MARCHF1: variants seen among roughly 807,000 people sequenced by gnomAD.
MARCHF1 encodes the protein membrane associated ring-CH-type finger 1, also known as E3 ubiquitin-protein ligase MARCHF1.
Under a neutral mutation model 54.2 loss-of-function variants are expected in MARCHF1, and 40 were observed. The observed-to-expected ratio is 0.74, with a 90% CI of 0.57 to 0.96. The LOEUF is 0.96. Among genes scored for constraint, MARCHF1 ranks in the 40% least tolerant of loss-of-function variants. The pLI is 0.00. For synonymous variants in MARCHF1, 236 were observed against 236.3 expected (o/e 1.00, Z 0.01); for missense variants, 586 against 656.5 (o/e 0.89, Z 1.17).
At chr4:163,883,879 C>G (rs1173985457) in intron 3 of MARCHF1, among the ~76,000 whole-genome samples, 1 of 152,124 alleles carries the variant, frequency 6.6e-6, no homozygotes, top group African/African-American at 2.4e-5. Context: ...TAAGGGCATT[C>G]AATAAGTCTA....
chr4:163,894,742 TGCATGTGATGCATATATATAC>T (rs1560807871), intron 3 of MARCHF1, among the ~76,000 whole-genome samples: 11 of 66,744 alleles, frequency 1.6e-4, no homozygotes, highest in Non-Finnish European at 2.9e-4. Flanking sequence ...CATATATATA[TGCATGTGATGCATATATATAC>T]ATGCATGTGA....
At chr4:164,100,947 TG>T (rs1164962329) in intron 2 of MARCHF1, among the ~76,000 whole-genome samples, 1 of 152,206 alleles carries the variant, frequency 6.6e-6, no homozygotes, top group Non-Finnish European at 1.5e-5. Flanking sequence ...TTGCCTCACT[TG>T]GGAAGCGCAA....
intron 2 of MARCHF1, among the ~76,000 whole-genome samples, chr4:164,059,917 A>G (rs1754577776): frequency 6.6e-6 from 1 of 152,166 alleles, no homozygotes; most frequent in African/African-American, 2.4e-5. Flanking sequence ...TAGTTTGGGT[A>G]AGTAAATAAC....
At chr4:164,314,894 C>A (rs1453856757) in intron 1 of MARCHF1, among the ~76,000 whole-genome samples, 1 of 152,006 alleles carries the variant, frequency 6.6e-6, no homozygotes, top group Non-Finnish European at 1.5e-5. Flanking sequence ...CTTGTTCAAC[C>A]AAGAAAATAT....
chr4:164,366,502 G>A (rs113950223), intron 1 of MARCHF1, among the ~76,000 whole-genome samples: 2,498 of 151,890 alleles, frequency 0.016, 77 homozygotes, highest in African/African-American at 0.058. Context: ...GAAGCAGTTT[G>A]TCTTATACTG....
At chr4:163,876,853 C>T (rs947561233) in intron 3 of MARCHF1, among the ~76,000 whole-genome samples, 1 of 151,920 alleles carries the variant, frequency 6.6e-6, no homozygotes, top group African/African-American at 2.4e-5. Context: ...TTAACTAGCC[C>T]AATTCTCCAA....
intron 3 of MARCHF1, among the ~76,000 whole-genome samples, chr4:163,967,819 T>C (rs567336337): frequency 7.6e-4 from 115 of 152,298 alleles, no homozygotes; most frequent in African/African-American, 2.6e-3. Flanking sequence ...GGAGAGCTGA[T>C]GGTGTAGATA....
chr4:164,339,040 T>C lies in MARCHF1; in HGVS notation c.-323+44830A>G, dbSNP rs1346976710. 2.0e-5 allele frequency among the ~76,000 whole-genome samples: 3 copies of C among 152,056 alleles called. No individual in the cohort carries two copies. The East Asian group carries it at 5.8e-4, about 29-fold the overall frequency. ...TAGGATAAAGCATTGTAAATATATA[T>C]ATGCACCCAATATTATAGCACCTAA... is the stretch of plus-strand genomic sequence containing the variant. On this transcript the variant is annotated intron_variant, in intron 1 of 9. Transcript: ENST00000514618.
At chr4:164,315,126 T>C (rs1734961337) in intron 1 of MARCHF1, among the ~76,000 whole-genome samples, 1 of 151,814 alleles carries the variant, frequency 6.6e-6, no homozygotes. Flanking sequence ...ACCAAACTTG[T>C]TTATGCTCCA....
At chr4:164,347,050 G>A (rs1730127550) in intron 1 of MARCHF1, among the ~76,000 whole-genome samples, 1 of 151,994 alleles carries the variant, frequency 6.6e-6, no homozygotes, top group Non-Finnish European at 1.5e-5. Context: ...AGTGTTTGCT[G>A]GGAAGACATG....
intron 1 of MARCHF1, among the ~76,000 whole-genome samples, chr4:164,176,348 T>C (rs933849745): frequency 2.6e-5 from 4 of 152,198 alleles, no homozygotes; most frequent in African/African-American, 9.6e-5. Flanking sequence ...AGCAAAATAG[T>C]GTCAAATATT....
chr4:164,151,192 T>C (rs1458461485), intron 1 of MARCHF1, among the ~76,000 whole-genome samples: 2 of 152,144 alleles, frequency 1.3e-5, no homozygotes, highest in African/African-American at 4.8e-5. Context: ...ATGTATGCAA[T>C]AATTTGTAGT....
chr4:163,596,537 CAAAA>C (rs142539749), intron 7 of MARCHF1, among the ~76,000 whole-genome samples: 900 of 73,682 alleles, frequency 0.012, 10 homozygotes, highest in African/African-American at 0.026. Context: ...GAGGCTGTCT[CAAAA>C]AAAAAAAAAA....
intron 3 of MARCHF1, among the ~76,000 whole-genome samples, chr4:163,883,169 T>C (rs1160542530): frequency 2.0e-5 from 3 of 151,894 alleles, no homozygotes; most frequent in Admixed American, 6.6e-5. Context: ...TTTCTCACCA[T>C]TGGAAATAAA....
chr4:163,625,673 A>G (rs2110972871), intron 5 of MARCHF1, among the ~76,000 whole-genome samples: 1 of 152,376 alleles, frequency 6.6e-6, no homozygotes, highest in South Asian at 2.1e-4. Flanking sequence ...ACTCAGTCCA[A>G]AGTTTTATGT....
intron 8 of MARCHF1, among the ~76,000 whole-genome samples, chr4:163,574,132 T>G (rs1432752114): frequency 6.6e-6 from 1 of 152,170 alleles, no homozygotes; most frequent in African/African-American, 2.4e-5. Context: ...TGTCTGTTCA[T>G]GTCCTTCGCC....
chr4:163,797,271 T>C (rs1363247922), intron 4 of MARCHF1, among the ~76,000 whole-genome samples: 1 of 152,058 alleles, frequency 6.6e-6, no homozygotes, highest in Non-Finnish European at 1.5e-5. Flanking sequence ...CTTTTCTCTG[T>C]AGATACTTTT....
chr4:164,046,049 C>A (rs1754235206), intron 2 of MARCHF1, among the ~76,000 whole-genome samples: 1 of 152,146 alleles, frequency 6.6e-6, no homozygotes, highest in Admixed American at 6.5e-5. Flanking sequence ...TGATCATTTT[C>A]TTACTTCAAT....
chr4:164,068,049 T>C (rs1754766760), intron 2 of MARCHF1, among the ~76,000 whole-genome samples: 1 of 152,168 alleles, frequency 6.6e-6, no homozygotes, highest in Non-Finnish European at 1.5e-5. Context: ...AGAATGGTCA[T>C]TACTAAAAAG....
Sources: allele counts gnomAD v4.1 joint callset (sites outside exome capture counted in the v4.1 genomes callset), GRCh38; gene constraint gnomAD v4.1.1; transcripts MANE v1.5; gene names NCBI Gene and HGNC (gene_info 2026-07-23, HGNC 2026-07-21).